Variants in DLG2 observed in about 807,000 individuals in gnomAD.
The protein encoded by DLG2 is discs large MAGUK scaffold protein 2.
A neutral mutation model predicts 132.5 loss-of-function variants in DLG2; 45 were observed. The ratio of observed to expected loss-of-function variants is 0.34; its 90% CI spans 0.27 to 0.44. DLG2 has a LOEUF of 0.44. Among genes scored for constraint, DLG2 ranks in the 20% least tolerant of loss-of-function variants. The probability of loss-of-function intolerance (pLI) is 1.00; values close to 1 mark genes in which losing one functional copy is unlikely to be tolerated. For missense variants in DLG2, 1,045 were observed against 1,196.9 expected (o/e 0.87, Z 1.87); for synonymous variants, 424 against 419.6 (o/e 1.01, Z -0.13).
chr11:84,519,119 C>T (rs1169215740), intron 7 of DLG2, among the ~76,000 whole-genome samples: 1 of 152,124 alleles, frequency 6.6e-6, no homozygotes, highest in Non-Finnish European at 1.5e-5. Flanking sequence ...CTTAAAATTT[C>T]AAACCCAGCA....
At chr11:83,648,391 T>C (rs1314749622) in intron 18 of DLG2, among the ~76,000 whole-genome samples, 1 of 152,156 alleles carries the variant, frequency 6.6e-6, no homozygotes, top group Non-Finnish European at 1.5e-5. Context: ...GCAAGGACTA[T>C]GCCTCTTCTG....
At chr11:83,605,176 T>C (rs1031546101) in intron 19 of DLG2, among the ~76,000 whole-genome samples, 2 of 152,208 alleles carry the variant, frequency 1.3e-5, no homozygotes, top group African/African-American at 2.4e-5. Flanking sequence ...ATTTCTGCTT[T>C]CTTGAGCCAT....
At chr11:84,052,510 AC>A (rs1200555481) in intron 11 of DLG2, among the ~76,000 whole-genome samples, 4 of 151,878 alleles carry the variant, frequency 2.6e-5, no homozygotes, top group African/African-American at 4.8e-5. Context: ...AAGAAAAAAA[AC>A]AACCCCATTA....
chr11:84,592,515 T>C (rs1233448630), intron 6 of DLG2, among the ~76,000 whole-genome samples: 1 of 152,040 alleles, frequency 6.6e-6, no homozygotes, highest in African/African-American at 2.4e-5. Context: ...GAAACTATCA[T>C]CAGAGTGAAC....
intron 6 of DLG2, among the ~76,000 whole-genome samples, chr11:84,833,600 T>C (rs1373620260): frequency 1.3e-5 from 2 of 150,268 alleles, no homozygotes; most frequent in Admixed American, 1.3e-4. Flanking sequence ...AAAGGAACTA[T>C]CAGCACCATA....
At position 83,609,719 on chromosome 11, in the gene DLG2, A is replaced by G. The variant is rs560520732; in HGVS notation, c.1940+23492T>C. 3.3e-5 allele frequency among the ~76,000 whole-genome samples: 5 copies of G among 152,250 alleles called. No individual in the cohort carries two copies. The East Asian group carries it at 9.6e-4, about 29-fold the overall frequency. ...TAACCTGAAATTTGAAATTCATGACATATAATCCCTTTCTATTTCCAAGCA... is the reference window on the plus strand; with the variant it reads ...TAACCTGAAATTTGAAATTCATGACGTATAATCCCTTTCTATTTCCAAGCA... On this transcript the variant is annotated intron_variant, in intron 19 of 27. Coordinates refer to ENST00000376104, the MANE Select transcript of DLG2 (RefSeq NM_001142699.3).
At chr11:85,134,360 T>C (rs1278415510) in intron 5 of DLG2, among the ~76,000 whole-genome samples, 2 of 149,130 alleles carry the variant, frequency 1.3e-5, no homozygotes, top group Non-Finnish European at 3.0e-5. Flanking sequence ...AAACCCCGTC[T>C]CTACTAAAAA....
At position 85,143,381 on chromosome 11, in the gene DLG2, G is replaced by C. The variant is rs2076625448; in HGVS notation, c.282+11175C>G. Among the ~76,000 whole-genome samples, 3 of 151,874 alleles carry C rather than the reference G, an allele frequency of 2.0e-5. No individual in the cohort carries two copies. In the South Asian group the frequency reaches 6.2e-4, roughly 31 times the overall value. Reference sequence around the variant, plus strand: ...GATCCTTTGAATTTCTGTGATATCAGTTGTAATGTCACGTTTTTCATCTGA... The same window carrying C: ...GATCCTTTGAATTTCTGTGATATCACTTGTAATGTCACGTTTTTCATCTGA... On this transcript the variant is annotated intron_variant, in intron 5 of 27. Transcript: ENST00000376104.
intron 10 of DLG2, among the ~76,000 whole-genome samples, chr11:84,095,061 A>T (rs766697721): frequency 1.7e-4 from 26 of 152,276 alleles, no homozygotes; most frequent in Admixed American, 9.8e-4. Flanking sequence ...GTTATGACCA[A>T]GAGAAAAAAA....
At chr11:84,329,825 T>C (rs1194039544) in intron 7 of DLG2, among the ~76,000 whole-genome samples, 1 of 152,258 alleles carries the variant, frequency 6.6e-6, no homozygotes, top group Non-Finnish European at 1.5e-5. Context: ...TGTTTGTGTA[T>C]AATGTGATAA....
At chr11:83,726,692 C>A (rs2090062688) in intron 18 of DLG2, among the ~76,000 whole-genome samples, 1 of 152,090 alleles carries the variant, frequency 6.6e-6, no homozygotes, top group Non-Finnish European at 1.5e-5. Context: ...CAAGTGGAAG[C>A]TAATCTTGAC....
At chr11:83,598,757 C>T (rs183781010) in intron 19 of DLG2, among the ~76,000 whole-genome samples, 14 of 152,312 alleles carry the variant, frequency 9.2e-5, no homozygotes, top group East Asian at 7.7e-4. Context: ...ATAGATGTTA[C>T]GCTTCACTGC....
chr11:83,925,944 A>G (rs145131521), intron 15 of DLG2, among the ~76,000 whole-genome samples: 126 of 152,236 alleles, frequency 8.3e-4, no homozygotes, highest in Middle Eastern at 3.4e-3. Context: ...CAGGAGTCCC[A>G]TAGAAATCCT....
intron 6 of DLG2, among the ~76,000 whole-genome samples, chr11:84,815,653 A>G (rs74434447): frequency 0.035 from 5,258 of 152,152 alleles, 293 homozygotes; most frequent in African/African-American, 0.12. Flanking sequence ...AATTACTTGA[A>G]AATTAAGAGT....
intron 3 of DLG2, among the ~76,000 whole-genome samples, chr11:85,594,621 A>C (rs1438484105): frequency 6.6e-6 from 1 of 152,210 alleles, no homozygotes; most frequent in Non-Finnish European, 1.5e-5. Flanking sequence ...ATAACACATA[A>C]TTTTCAATAA....
chr11:85,460,544 T>C (rs995962302), intron 3 of DLG2, among the ~76,000 whole-genome samples: 1 of 152,078 alleles, frequency 6.6e-6, no homozygotes, highest in African/African-American at 2.4e-5. Context: ...ATGGGTCAAG[T>C]TGTTTCCTTG....
intron 4 of DLG2, among the ~76,000 whole-genome samples, chr11:85,229,576 G>C (rs1332677880): frequency 1.3e-5 from 2 of 152,112 alleles, no homozygotes; most frequent in African/African-American, 4.8e-5. Context: ...GTAGAAGATA[G>C]TGTGGTGATT....
At chr11:84,293,676 C>CA (rs2098042285) in intron 7 of DLG2, among the ~76,000 whole-genome samples, 1 of 151,886 alleles carries the variant, frequency 6.6e-6, no homozygotes, top group Non-Finnish European at 1.5e-5. Context: ...GACTCCGTCT[C>CA]AAAAAATAAA....
intron 15 of DLG2, among the ~76,000 whole-genome samples, chr11:83,918,906 A>G (rs1368364327): frequency 6.6e-6 from 1 of 152,194 alleles, no homozygotes; most frequent in East Asian, 1.9e-4. Context: ...GACACTGCCC[A>G]GTTCTTAGAA....
Sources: gnomAD v4.1 joint callset for allele counts (sites outside exome capture counted in the v4.1 genomes callset) on GRCh38, gnomAD v4.1.1 for gene constraint, MANE v1.5 for transcripts, NCBI Gene and HGNC (gene_info 2026-07-23, HGNC 2026-07-21) for gene names.